The following TOR1AIP1 variants were observed in gnomAD, a reference collection of about 807,000 sequenced individuals.
TOR1AIP1 encodes torsin 1A interacting protein 1, also known as torsin-1A-interacting protein 1.
In TOR1AIP1, 54 loss-of-function variants were observed where a neutral mutation model predicts 63.3. That is an observed-to-expected ratio of 0.85 (90% CI 0.69 to 1.07). The LOEUF is 1.07. Among genes scored for constraint, TOR1AIP1 ranks in the 50% least tolerant of loss-of-function variants. TOR1AIP1 has a pLI of 0.00. For missense variants in TOR1AIP1, 736 were observed against 715.0 expected (o/e 1.03, Z -0.33); for synonymous variants, 294 against 273.5 (o/e 1.07, Z -0.74).
chr1:179,911,055 T>A (rs902707158), intron 8 of TOR1AIP1, among the ~76,000 whole-genome samples: 2 of 152,246 alleles, frequency 1.3e-5, no homozygotes, highest in African/African-American at 4.8e-5. Context: ...TATACATTGG[T>A]TGCTAACCAC....
chr1:179,908,628 C>G lies in TOR1AIP1; in HGVS notation c.862C>G (p.Gln288Glu). The change falls in exon 8 of 10, where the codon CAG becomes GAG. Residue 288 changes from glutamine (Q) to glutamate (E), a missense_variant. Transcript: ENST00000606911. ...AGGCTCAGGATATCAAAAAACTCCC[C>G]AGGAATGGGCCCCACAAACTGCAAG... ...VLSSGYQKTP[Q>E]EWAPQTARIR... 6.2e-7 allele frequency: 1 copy of G among 1,613,462 alleles called. No individual in the cohort carries two copies. Among genetic ancestry groups the G allele is most frequent in the Non-Finnish European group, 8.5e-7 (1 of 1,179,582 alleles).
At chr1:179,909,568 A>G (rs11576859) in intron 8 of TOR1AIP1, among the ~76,000 whole-genome samples, 64 of 151,678 alleles carry the variant, frequency 4.2e-4, no homozygotes, top group African/African-American at 1.4e-3. Flanking sequence ...GTACCACCAC[A>G]CCCAGCTAAT....
At chr1:179,911,568 G>A (rs556920320) in intron 8 of TOR1AIP1, among the ~76,000 whole-genome samples, 1 of 152,332 alleles carries the variant, frequency 6.6e-6, no homozygotes, top group African/African-American at 2.4e-5. Context: ...AAGAATATAT[G>A]TGCATGGAGA....
At chr1:179,888,513 G>A (rs987007836) in intron 2 of TOR1AIP1, among the ~76,000 whole-genome samples, 2 of 152,194 alleles carry the variant, frequency 1.3e-5, no homozygotes, top group African/African-American at 4.8e-5. Flanking sequence ...AATACTTGAT[G>A]TGTGAAATAC....
intron 9 of TOR1AIP1, 105 bp downstream of exon 9, chr1:179,914,159 G>A: frequency 1.0e-6 from 1 of 998,690 alleles, no homozygotes. Flanking sequence ...GCTATTTGAA[G>A]AATCACATTT....
intron 7 of TOR1AIP1, 25 bp from the exon 8 acceptor site, chr1:179,908,580 C>T (rs771112807): frequency 1.4e-5 from 23 of 1,591,324 alleles, no homozygotes; most frequent in Non-Finnish European, 1.9e-5. Flanking sequence ...GGGAAATTAT[C>T]TTTTGATATA....
intron 9 of TOR1AIP1, among the ~76,000 whole-genome samples, chr1:179,916,619 A>G (rs1648994438): frequency 2.0e-5 from 3 of 152,110 alleles, no homozygotes. Context: ...GCATACCACA[A>G]AAGGCATCAG....
At chr1:179,916,614 C>T (rs1194237344) in intron 9 of TOR1AIP1, among the ~76,000 whole-genome samples, 2 of 151,748 alleles carry the variant, frequency 1.3e-5, no homozygotes, top group African/African-American at 4.8e-5. Flanking sequence ...AACTTGCATA[C>T]CACAAAAGGC....
At position 179,882,807 on chromosome 1, in the gene TOR1AIP1, G is replaced by A. The variant is rs375448136; in HGVS notation, c.305G>A (p.Ser102Asn). Residue 102 changes from serine (S) to asparagine (N), a missense_variant, in exon 1 of 10, where the codon AGC (serine) becomes AAC (asparagine). Ser to Asn is a conservative substitution (Grantham distance 46). Around this residue, in one of 2 missense-constraint regions of TOR1AIP1, gnomAD observed 464 missense variants for 371.0 expected, o/e 1.25. Transcript: ENST00000606911. ...TCTGCGAAAGAGGAAGTGAGAGAAAGCGCGTACTACCTTCGGTCTAGGCAG... is the reference window on the plus strand; with the variant it reads ...TCTGCGAAAGAGGAAGTGAGAGAAAACGCGTACTACCTTCGGTCTAGGCAG... Reference protein sequence around the residue: ...SDSAKEEVRESAYYLRSRQRR... With the variant: ...SDSAKEEVRENAYYLRSRQRR... 3.3e-5 allele frequency: 53 copies of A among 1,614,104 alleles called. 2 individuals are homozygous for A. Among genetic ancestry groups the A allele is most frequent in the South Asian group, 1.4e-4 (13 of 91,092 alleles).
chr1:179,900,284 T>C, intron 4 of TOR1AIP1, 117 bp downstream of exon 4: 1 of 648,342 alleles, frequency 1.5e-6, no homozygotes, highest in Non-Finnish European at 2.6e-6. Flanking sequence ...GGCACATGCC[T>C]GTAGTCTCAG....
chr1:179,895,633 C>T (rs1648242445), intron 3 of TOR1AIP1, among the ~76,000 whole-genome samples: 1 of 152,130 alleles, frequency 6.6e-6, no homozygotes, highest in Admixed American at 6.5e-5. Flanking sequence ...GGCACGGTGT[C>T]TCACACCTGT....
intron 2 of TOR1AIP1, 51 bp downstream of exon 2, chr1:179,884,820 T>C (rs572374124): frequency 7.2e-7 from 1 of 1,393,658 alleles, no homozygotes; most frequent in East Asian, 2.3e-5. Context: ...ACTTTTTAAA[T>C]GTTCATTGAA....
intron 3 of TOR1AIP1, among the ~76,000 whole-genome samples, chr1:179,899,598 A>G (rs534963352): frequency 4.3e-4 from 66 of 152,324 alleles, no homozygotes; most frequent in African/African-American, 1.5e-3. Context: ...CAAAGGTTAC[A>G]TTTTAGAGTA....
chr1:179,917,814 C>T lies in TOR1AIP1; in HGVS notation c.1327C>T (p.Arg443Trp), dbSNP rs763037095. 7.4e-6 allele frequency: 12 copies of T among 1,614,002 alleles called. No individual in the cohort carries two copies. Among genetic ancestry groups the T allele is most frequent in the South Asian group, 4.4e-5 (4 of 91,076 alleles). Residue 443 changes from arginine to tryptophan, a missense_variant, in exon 10 of 10, where the codon CGG becomes TGG. Arg to Trp is a moderately radical substitution (Grantham distance 101). Transcript: ENST00000606911. Reference protein sequence around the residue: ...YSSFRSVRAIRIDGTDKATQD... With the variant: ...YSSFRSVRAIWIDGTDKATQD... ...TTCTTTTCGTAGTGTCCGTGCCATC[C>T]GGATTGATGGGACAGATAAAGCTAC... is the stretch of plus-strand genomic sequence containing the variant.
intron 3 of TOR1AIP1, among the ~76,000 whole-genome samples, chr1:179,892,865 A>T (rs890132246): frequency 6.6e-6 from 1 of 152,118 alleles, no homozygotes; most frequent in Non-Finnish European, 1.5e-5. Flanking sequence ...AAATTATGTC[A>T]TATTATTTAA....
intron 6 of TOR1AIP1, among the ~76,000 whole-genome samples, chr1:179,906,738 C>T (rs1279835661): frequency 2.2e-5 from 3 of 138,418 alleles, no homozygotes; most frequent in Admixed American, 7.1e-5. Context: ...TGGTTCCCCC[C>T]CCCCCTTTTT....
chr1:179,896,977 A>G (rs1200340137), intron 3 of TOR1AIP1, among the ~76,000 whole-genome samples: 1 of 152,214 alleles, frequency 6.6e-6, no homozygotes, highest in Non-Finnish European at 1.5e-5. Flanking sequence ...TGTCAAATCT[A>G]CGGGGATTAT....
At chr1:179,893,099 G>A (rs939274576) in intron 3 of TOR1AIP1, among the ~76,000 whole-genome samples, 1 of 151,978 alleles carries the variant, frequency 6.6e-6, no homozygotes, top group East Asian at 2.0e-4. Flanking sequence ...AAAATTAGTC[G>A]GGCATGGTGG....
At chr1:179,909,501 C>G (rs571429781) in intron 8 of TOR1AIP1, among the ~76,000 whole-genome samples, 31 of 152,126 alleles carry the variant, frequency 2.0e-4, no homozygotes, top group African/African-American at 7.5e-4. Flanking sequence ...ACCTCTGCCT[C>G]CCGGGTTCAA....
Sources: allele counts gnomAD v4.1 joint callset (sites outside exome capture counted in the v4.1 genomes callset), GRCh38; gene constraint gnomAD v4.1.1; regional missense constraint gnomAD v4.1.1; transcripts MANE v1.5; gene names NCBI Gene and HGNC (gene_info 2026-07-23, HGNC 2026-07-21).